TBC1D22A: variants seen among roughly 807,000 people sequenced by gnomAD.
The protein encoded by TBC1D22A is TBC1 domain family member 22A, also known as putative GTPase activator.
TBC1D22A carries 38 observed loss-of-function variants against 60.2 expected under a neutral mutation model. The observed-to-expected ratio is 0.63, with a 90% CI of 0.49 to 0.83. The LOEUF (loss-of-function observed/expected upper bound fraction) is 0.83. Ranked by LOEUF, TBC1D22A falls within the 40% of genes least tolerant of loss-of-function variation. The pLI, the probability that TBC1D22A is intolerant of heterozygous loss-of-function variation, is 0.00. For synonymous variants in TBC1D22A, 302 were observed against 281.7 expected (o/e 1.07, Z -0.72); for missense variants, 628 against 701.0 (o/e 0.90, Z 1.18).
At chr22:46,818,650 C>T (rs1229033935) in intron 4 of TBC1D22A, among the ~76,000 whole-genome samples, 1 of 152,142 alleles carries the variant, frequency 6.6e-6, no homozygotes, top group Non-Finnish European at 1.5e-5. Flanking sequence ...GTTTTGATTA[C>T]TGTAGCCTTG....
At chr22:47,111,833 TG>T (rs1162911292) in intron 12 of TBC1D22A, among the ~76,000 whole-genome samples, 1 of 152,200 alleles carries the variant, frequency 6.6e-6, no homozygotes, top group African/African-American at 2.4e-5. Context: ...TTATTAGATG[TG>T]GCTGTGTGAC....
chr22:47,064,839 A>C (rs1235645968), intron 11 of TBC1D22A, among the ~76,000 whole-genome samples: 1 of 152,102 alleles, frequency 6.6e-6, no homozygotes, highest in Non-Finnish European at 1.5e-5. Context: ...ATAAATGTTA[A>C]CTCTCCAAGT....
intron 3 of TBC1D22A, among the ~76,000 whole-genome samples, chr22:46,796,140 TG>T (rs2084641775): frequency 7.2e-6 from 1 of 139,542 alleles, no homozygotes; most frequent in African/African-American, 2.7e-5. Context: ...GAGATCCTCC[TG>T]GGGGTTGGGG....
At chr22:46,815,246 G>T (rs1249856479) in intron 4 of TBC1D22A, among the ~76,000 whole-genome samples, 2 of 152,186 alleles carry the variant, frequency 1.3e-5, no homozygotes, top group Non-Finnish European at 2.9e-5. Flanking sequence ...GCGAGGACTC[G>T]GTGTTAAACA....
chr22:47,119,498 A>AT (rs112201242), intron 12 of TBC1D22A, among the ~76,000 whole-genome samples: 8,614 of 142,318 alleles, frequency 0.061, 801 homozygotes, highest in African/African-American at 0.2. Context: ...AGACTGGGTA[A>AT]TTTTTTTTTT....
chr22:47,042,147 T>C (rs2062866491), intron 11 of TBC1D22A, among the ~76,000 whole-genome samples: 1 of 151,232 alleles, frequency 6.6e-6, no homozygotes, highest in East Asian at 2.0e-4. Flanking sequence ...TTCCCTTTCA[T>C]ACTGTGTCAC....
intron 10 of TBC1D22A, among the ~76,000 whole-genome samples, chr22:47,008,331 C>G (rs1400946356): frequency 2.6e-5 from 4 of 152,328 alleles, no homozygotes; most frequent in African/African-American, 9.6e-5. Context: ...TCAGCCCTCT[C>G]CATTCATTTT....
intron 8 of TBC1D22A, among the ~76,000 whole-genome samples, chr22:46,958,347 C>T (rs778809640): frequency 2.6e-5 from 4 of 152,196 alleles, no homozygotes; most frequent in Non-Finnish European, 5.9e-5. Context: ...AGCCCCTTCA[C>T]GTCTCCCTGT....
intron 12 of TBC1D22A, among the ~76,000 whole-genome samples, chr22:47,123,597 G>A (rs2066351346): frequency 6.6e-6 from 1 of 152,182 alleles, no homozygotes; most frequent in African/African-American, 2.4e-5. Context: ...CTGTCAAATG[G>A]GACTGATCTT....
chr22:47,160,432 C>T lies in TBC1D22A; in HGVS notation c.1426-13066C>T, dbSNP rs149651830. On this transcript the variant is annotated intron_variant, in intron 12 of 12. Transcript: ENST00000337137. ...AAGGGAACGTCCTGGTCCTGGTCAGCGGGTGGAGGTCTTCACAGGGCCGCC... is the reference window on the plus strand; with the variant it reads ...AAGGGAACGTCCTGGTCCTGGTCAGTGGGTGGAGGTCTTCACAGGGCCGCC... Among the ~76,000 whole-genome samples the T allele has an allele frequency of 4.4e-3, 667 of 152,278 alleles. 3 individuals are homozygous for T. Among genetic ancestry groups the T allele is most frequent in the Non-Finnish European group, 7.1e-3 (481 of 68,026 alleles).
intron 11 of TBC1D22A, among the ~76,000 whole-genome samples, chr22:47,056,080 C>T (rs763039958): frequency 2.0e-4 from 31 of 152,192 alleles, no homozygotes; most frequent in Middle Eastern, 3.4e-3. Context: ...CACACATCAG[C>T]GACTGCCCTT....
rs550412768 is a variant in TBC1D22A, at chr22:46,904,996, G to A, written c.901-7078G>A. ...TCACCGTGTTAGCCGGGATGGTCTC[G>A]ATCTCCTGACCTCGTGATCCACCTG... On this transcript the variant is annotated intron_variant, in intron 7 of 12. Transcript: ENST00000337137. Among the ~76,000 whole-genome samples the A allele has an allele frequency of 5.0e-3, 755 of 150,642 alleles. 6 individuals carry two copies. Among genetic ancestry groups the A allele is most frequent in the African/African-American group, 0.017 (715 of 41,012 alleles).
At chr22:46,984,778 C>T (rs1275673719) in intron 9 of TBC1D22A, among the ~76,000 whole-genome samples, 2 of 152,198 alleles carry the variant, frequency 1.3e-5, no homozygotes, top group Admixed American at 6.5e-5. Context: ...AACGCAGTGG[C>T]GTCATGACTC....
intron 11 of TBC1D22A, among the ~76,000 whole-genome samples, chr22:47,038,713 T>C (rs2062737587): frequency 6.6e-6 from 1 of 152,234 alleles, no homozygotes; most frequent in South Asian, 2.1e-4. Context: ...CTGACTTTGC[T>C]TTTCCTTTGC....
intron 12 of TBC1D22A, among the ~76,000 whole-genome samples, chr22:47,152,293 TGGATTCC>T (rs1269750090): frequency 6.6e-6 from 1 of 152,230 alleles, no homozygotes; most frequent in African/African-American, 2.4e-5. Context: ...GTCAGCGCAG[TGGATTCC>T]TCTTCCCTGG....
intron 12 of TBC1D22A, among the ~76,000 whole-genome samples, chr22:47,173,010 G>T (rs1304729545): frequency 6.6e-6 from 1 of 152,272 alleles, no homozygotes; most frequent in Non-Finnish European, 1.5e-5. Flanking sequence ...TTCCAGGGGT[G>T]CTGCGGTACT....
rs983376046 is a variant in TBC1D22A, at chr22:46,813,014, C to A, written c.637+15394C>A. Among the ~76,000 whole-genome samples, 4 of 152,162 alleles carry A rather than the reference C, an allele frequency of 2.6e-5. No individual in the cohort carries two copies. The East Asian group carries it at 7.7e-4, about 29-fold the overall frequency. On this transcript the variant is annotated intron_variant, in intron 4 of 12. Coordinates refer to ENST00000337137, the MANE Select transcript of TBC1D22A (RefSeq NM_014346.5). ...AGGTGATTTATGCGGCCGCTGCTGC[C>A]CCTTGGTCCGCTCTTTGTCTCCCAG...
chr22:47,078,589 C>T (rs981418298), intron 11 of TBC1D22A, among the ~76,000 whole-genome samples: 5 of 152,246 alleles, frequency 3.3e-5, no homozygotes, highest in African/African-American at 7.2e-5. Context: ...TGCCGTGTCA[C>T]AGGCCAGAGC....
intron 4 of TBC1D22A, among the ~76,000 whole-genome samples, chr22:46,856,839 G>A (rs1025032287): frequency 3.3e-5 from 5 of 152,208 alleles, no homozygotes; most frequent in African/African-American, 1.2e-4. Flanking sequence ...ATAATGCTGT[G>A]ATGACATAAA....
Sources: allele counts gnomAD v4.1 joint callset (sites outside exome capture counted in the v4.1 genomes callset), GRCh38; gene constraint gnomAD v4.1.1; transcripts MANE v1.5; gene names NCBI Gene and HGNC (gene_info 2026-07-23, HGNC 2026-07-21).